Variants in EFL1 observed in about 807,000 individuals in gnomAD.
The protein encoded by EFL1 is elongation factor-like GTPase 1.
In EFL1, 76 loss-of-function variants were observed where a neutral mutation model predicts 126.7. The ratio of observed to expected loss-of-function variants is 0.60; its 90% CI spans 0.50 to 0.73. EFL1 has a LOEUF of 0.73. EFL1 is among the 30% of genes least tolerant of loss of function. The pLI is 0.00. For missense variants in EFL1, 1,128 were observed against 1,343.2 expected, an observed-to-expected ratio of 0.84 and a Z score of 2.50; for synonymous variants, 410 against 448.4, an observed-to-expected ratio of 0.91 and a Z score of 1.08.
In EFL1 at chr15:82,219,390, G is replaced by A. The variant is rs147216913; in HGVS notation, c.1611+262C>T. Among the ~76,000 whole-genome samples the A allele has an allele frequency of 2.3e-4, 35 of 152,300 alleles. No homozygotes were observed. The East Asian group carries it at 6.7e-3, about 29-fold the overall frequency. ...CAGTTCTTTTCTCTAACCACAAGGT[G>A]ACTCTTGCCTAGAAGAGAAAAGCCT... is the stretch of plus-strand genomic sequence containing the variant. On this transcript the variant is annotated intron_variant, in intron 14 of 19. Coordinates refer to ENST00000268206, the MANE Select transcript of EFL1 (RefSeq NM_024580.6).
At chr15:82,179,495 G>T (rs1364630326) in intron 15 of EFL1, among the ~76,000 whole-genome samples, 2 of 152,102 alleles carry the variant, frequency 1.3e-5, no homozygotes, top group Non-Finnish European at 2.9e-5. Flanking sequence ...CATGGGGAAA[G>T]GCTCATCCCA....
intron 4 of EFL1, among the ~76,000 whole-genome samples, chr15:82,248,094 T>A (rs980170575): frequency 6.6e-6 from 1 of 152,110 alleles, no homozygotes; most frequent in African/African-American, 2.4e-5. Context: ...TTTGCACATG[T>A]GTAAAATCAG....
rs146634442 is a variant in EFL1 at position 82,164,401 on chromosome 15, T to A, written c.1751-417A>T. ...TCCATCTGCATATGAGTAAAGGGAA[T>A]TTAGAAACTTAAAATGTGATGTTGC... is the stretch of plus-strand genomic sequence containing the variant. On this transcript the variant is annotated intron_variant, in intron 15 of 19. Coordinates refer to ENST00000268206, the MANE Select transcript of EFL1 (RefSeq NM_024580.6). 3.9e-3 allele frequency among the ~76,000 whole-genome samples: 588 copies of A among 152,294 alleles called. 5 individuals carry two copies. Among genetic ancestry groups the A allele is most frequent in the African/African-American group, 0.014 (566 of 41,576 alleles).
At chr15:82,181,622 ATGTGTG>A (rs35063141) in intron 15 of EFL1, among the ~76,000 whole-genome samples, 2 of 149,468 alleles carry the variant, frequency 1.3e-5, no homozygotes, top group Non-Finnish European at 3.0e-5. Context: ...ATGTGTGTGC[ATGTGTG>A]TGTGTGTGTG....
chr15:82,132,511 G>C (rs1053125389), intron 19 of EFL1, among the ~76,000 whole-genome samples: 1 of 150,002 alleles, frequency 6.7e-6, no homozygotes, highest in Non-Finnish European at 1.5e-5. Flanking sequence ...AGAGTCCCCG[G>C]AAGGAAAAGG....
At chr15:82,167,285 C>T (rs146965438) in intron 15 of EFL1, among the ~76,000 whole-genome samples, 2 of 152,196 alleles carry the variant, frequency 1.3e-5, no homozygotes, top group Admixed American at 1.3e-4. Flanking sequence ...CCTGATTTTT[C>T]TCTATACAAC....
intron 3 of EFL1, among the ~76,000 whole-genome samples, 199 bp downstream of exon 3, chr15:82,258,889 G>C (rs1188793569): frequency 6.6e-6 from 1 of 152,156 alleles, no homozygotes; most frequent in Non-Finnish European, 1.5e-5. Flanking sequence ...TTGCACTTAG[G>C]ATAAAGCAAT....
At chr15:82,222,333 C>A (rs1261278482) in intron 12 of EFL1, among the ~76,000 whole-genome samples, 1 of 152,212 alleles carries the variant, frequency 6.6e-6, no homozygotes, top group Non-Finnish European at 1.5e-5. Context: ...TAATTCAAAT[C>A]CAGATCTGTA....
At chr15:82,138,333 TAA>T (rs1273354602) in intron 19 of EFL1, among the ~76,000 whole-genome samples, 1 of 152,084 alleles carries the variant, frequency 6.6e-6, no homozygotes, top group Non-Finnish European at 1.5e-5. Flanking sequence ...TTTAAAAATC[TAA>T]AATATATATT....
chr15:82,163,328 G>A (rs927062979), intron 16 of EFL1, among the ~76,000 whole-genome samples: 2 of 152,132 alleles, frequency 1.3e-5, no homozygotes, highest in African/African-American at 2.4e-5. Context: ...GATGACCTGC[G>A]GTCAGGAGTT....
At chr15:82,188,975 G>A (rs962845410) in intron 15 of EFL1, among the ~76,000 whole-genome samples, 5 of 143,444 alleles carry the variant, frequency 3.5e-5, no homozygotes, top group African/African-American at 1.1e-4. Context: ...GTCATGCATC[G>A]CTTAACAACA....
At chr15:82,198,459 C>CA (rs1372087038) in intron 15 of EFL1, among the ~76,000 whole-genome samples, 3 of 152,096 alleles carry the variant, frequency 2.0e-5, no homozygotes, top group East Asian at 1.9e-4. Context: ...GTTTAAAAAA[C>CA]AAAAAACTCC....
intron 15 of EFL1, among the ~76,000 whole-genome samples, chr15:82,165,416 C>A (rs1192820317): frequency 2.0e-5 from 3 of 151,910 alleles, no homozygotes; most frequent in Non-Finnish European, 4.4e-5. Flanking sequence ...GGGAGGCCAC[C>A]GAATCACACA....
chr15:82,194,020 T>A (rs2074385136), intron 15 of EFL1, among the ~76,000 whole-genome samples: 1 of 152,186 alleles, frequency 6.6e-6, no homozygotes, highest in African/African-American at 2.4e-5. Context: ...TTTGTCTTTA[T>A]ACTTAGCAGT....
chr15:82,146,768 G>A (rs991373482), intron 18 of EFL1, among the ~76,000 whole-genome samples: 3 of 152,228 alleles, frequency 2.0e-5, no homozygotes, highest in East Asian at 1.9e-4. Context: ...GTTGCCGCAC[G>A]CAGGGTAAAT....
At chr15:82,260,348 A>T (rs1249700530) in intron 2 of EFL1, among the ~76,000 whole-genome samples, 1 of 152,216 alleles carries the variant, frequency 6.6e-6, no homozygotes, top group Non-Finnish European at 1.5e-5. Context: ...ACTCATTCAC[A>T]GCTGGCTTCA....
In EFL1 at chr15:82,132,146, T is replaced by C. The variant is rs1020021302; in HGVS notation, c.3175-1585A>G. On this transcript the variant is annotated intron_variant, in intron 19 of 19. Transcript: ENST00000268206. Reference sequence around the variant, plus strand: ...CTCGATTCTGACCCACTAGACACTATAGAATGGGAGGTGTGAGCCACAACT... The same window carrying C: ...CTCGATTCTGACCCACTAGACACTACAGAATGGGAGGTGTGAGCCACAACT... Among the ~76,000 whole-genome samples the C allele has an allele frequency of 6.6e-5, 10 of 152,234 alleles. No individual in the cohort carries two copies. In the East Asian group the frequency reaches 7.7e-4, roughly 12 times the overall value.
At chr15:82,144,630 T>A (rs565503023) in intron 18 of EFL1, among the ~76,000 whole-genome samples, 1 of 152,342 alleles carries the variant, frequency 6.6e-6, no homozygotes, top group Admixed American at 6.5e-5. Context: ...CACATGCAGC[T>A]CATTAAATCT....
chr15:82,239,749 C>A (rs944017553), intron 6 of EFL1, among the ~76,000 whole-genome samples: 1 of 152,170 alleles, frequency 6.6e-6, no homozygotes, highest in African/African-American at 2.4e-5. Context: ...CTTTGCCCAT[C>A]GTATTCCTTC....
Sources: allele counts gnomAD v4.1 joint callset (sites outside exome capture counted in the v4.1 genomes callset), GRCh38; gene constraint gnomAD v4.1.1; transcripts MANE v1.5; gene names NCBI Gene and HGNC (gene_info 2026-07-23, HGNC 2026-07-21).